PHKB: variants seen among roughly 807,000 people sequenced by gnomAD.
The protein encoded by PHKB is phosphorylase b kinase regulatory subunit beta.
In PHKB, 122 loss-of-function variants were observed where a neutral mutation model predicts 152.1. The ratio of observed to expected loss-of-function variants is 0.80; its 90% CI spans 0.69 to 0.93. The LOEUF is 0.93. PHKB is among the 40% of genes least tolerant of loss of function. The probability of loss-of-function intolerance (pLI) is 0.00; values close to 1 mark genes in which losing one functional copy is unlikely to be tolerated. For synonymous variants in PHKB, 436 were observed against 464.9 expected, an observed-to-expected ratio of 0.94 and a Z score of 0.80; for missense variants, 1,304 against 1,328.4, an observed-to-expected ratio of 0.98 and a Z score of 0.29.
intron 1 of PHKB, among the ~76,000 whole-genome samples, chr16:47,461,770 G>T (rs1274688259): frequency 6.6e-6 from 1 of 152,176 alleles, no homozygotes; most frequent in Non-Finnish European, 1.5e-5. Context: ...CTGTGAATGT[G>T]TCTTTCCTGT....
intron 7 of PHKB, chr16:47,562,559 CT>C (rs1971494188): frequency 6.6e-6 from 1 of 152,188 alleles, no homozygotes; most frequent in Non-Finnish European, 1.5e-5. Flanking sequence ...GGAAAAAGGA[CT>C]TTCCCTTAGT....
chr16:47,611,086 A>G (rs1972419844), intron 14 of PHKB, among the ~76,000 whole-genome samples, 166 bp downstream of exon 14: 1 of 152,196 alleles, frequency 6.6e-6, no homozygotes, highest in African/African-American at 2.4e-5. Context: ...CTATTTGTTA[A>G]TGAGGAAGTA....
At chr16:47,520,879 T>G (rs1439080066) in intron 6 of PHKB, among the ~76,000 whole-genome samples, 1 of 152,158 alleles carries the variant, frequency 6.6e-6, no homozygotes, top group Non-Finnish European at 1.5e-5. Flanking sequence ...TAAGTCTCAT[T>G]TATCTAATTT....
chr16:47,496,890 A>G (rs1040996054), intron 1 of PHKB, among the ~76,000 whole-genome samples: 1 of 152,186 alleles, frequency 6.6e-6, no homozygotes, highest in African/African-American at 2.4e-5. Flanking sequence ...AGGATTAGGA[A>G]TTTCAGCATG....
At chr16:47,627,710 C>A (rs1240645919) in intron 14 of PHKB, among the ~76,000 whole-genome samples, 1 of 152,208 alleles carries the variant, frequency 6.6e-6, no homozygotes. Context: ...TTTAACCATG[C>A]TTGATATTGT....
chr16:47,653,519 T>C (rs1020373690), intron 20 of PHKB, among the ~76,000 whole-genome samples: 1 of 152,202 alleles, frequency 6.6e-6, no homozygotes, highest in Non-Finnish European at 1.5e-5. Context: ...CCTAATGGAT[T>C]TATACCTTAG....
chr16:47,671,946 TA>T (rs1333779809), intron 26 of PHKB, among the ~76,000 whole-genome samples: 5 of 152,134 alleles, frequency 3.3e-5, no homozygotes, highest in African/African-American at 1.2e-4. Context: ...TTCCACTTTT[TA>T]TAAAAGAACA....
chr16:47,685,593 T>C (rs1431733884), intron 26 of PHKB, among the ~76,000 whole-genome samples: 1 of 152,222 alleles, frequency 6.6e-6, no homozygotes, highest in African/African-American at 2.4e-5. Context: ...TACTCCTTGG[T>C]AATTTACTTT....
At chr16:47,655,282 C>T (rs190432690) in intron 20 of PHKB, among the ~76,000 whole-genome samples, 3 of 152,224 alleles carry the variant, frequency 2.0e-5, no homozygotes, top group Admixed American at 6.5e-5. Flanking sequence ...TCACATCGTA[C>T]ACCAAAATAC....
intron 5 of PHKB, among the ~76,000 whole-genome samples, chr16:47,514,702 T>C (rs1180086561): frequency 6.6e-6 from 1 of 152,184 alleles, no homozygotes; most frequent in Non-Finnish European, 1.5e-5. Flanking sequence ...TCCAGTCAAA[T>C]TGACACCTAA....
At chr16:47,491,268 C>G (rs1970145903) in intron 1 of PHKB, among the ~76,000 whole-genome samples, 1 of 152,136 alleles carries the variant, frequency 6.6e-6, no homozygotes, top group Admixed American at 6.5e-5. Flanking sequence ...ATGTCCCTTA[C>G]AGACATATAG....
At chr16:47,632,297 G>T (rs905831816) in intron 14 of PHKB, among the ~76,000 whole-genome samples, 2 of 152,174 alleles carry the variant, frequency 1.3e-5, no homozygotes, top group East Asian at 1.9e-4. Context: ...AGAGATTTCA[G>T]TGTAAAAGGT....
chr16:47,640,755 C>T (rs1177578803), intron 14 of PHKB, among the ~76,000 whole-genome samples: 1 of 152,084 alleles, frequency 6.6e-6, no homozygotes, highest in African/African-American at 2.4e-5. Flanking sequence ...CCAAACTGCT[C>T]TTATGCATCA....
intron 13 of PHKB, among the ~76,000 whole-genome samples, chr16:47,607,551 A>G (rs1385615968): frequency 2.6e-5 from 4 of 152,216 alleles, no homozygotes; most frequent in Non-Finnish European, 5.9e-5. Context: ...TCCATTGTAT[A>G]TATACATTAC....
At chr16:47,689,010 A>G in intron 26 of PHKB, 31 bp from the exon 27 acceptor site, 3 of 1,612,610 alleles carry the variant, frequency 1.9e-6, no homozygotes, top group Non-Finnish European at 2.5e-6. Flanking sequence ...TTCAAGAGTT[A>G]TTGATTCATG....
chr16:47,540,963 G>A (rs772924512), intron 6 of PHKB, among the ~76,000 whole-genome samples: 2 of 151,488 alleles, frequency 1.3e-5, no homozygotes, highest in African/African-American at 4.9e-5. Flanking sequence ...AAGTAGCTGG[G>A]ATTACAGGCA....
chr16:47,542,593 T>A (rs1410708048), intron 6 of PHKB, among the ~76,000 whole-genome samples: 1 of 152,224 alleles, frequency 6.6e-6, no homozygotes, highest in East Asian at 1.9e-4. Flanking sequence ...CCTTGGGCAG[T>A]ATGGCCGTTT....
intron 6 of PHKB, among the ~76,000 whole-genome samples, chr16:47,543,259 T>C (rs1326375061): frequency 6.6e-6 from 1 of 152,176 alleles, no homozygotes; most frequent in Non-Finnish European, 1.5e-5. Flanking sequence ...ATTGAGATAA[T>C]GGTGTGGTTT....
At chr16:47,505,649 G>A (rs191918874) in intron 4 of PHKB, 1 of 152,306 alleles carries the variant, frequency 6.6e-6, no homozygotes, top group Admixed American at 6.5e-5. Flanking sequence ...TATTTTAGCA[G>A]AGATGCACAC....
Sources: allele counts gnomAD v4.1 joint callset (sites outside exome capture counted in the v4.1 genomes callset), GRCh38; gene constraint gnomAD v4.1.1; transcripts MANE v1.5; gene names NCBI Gene and HGNC (gene_info 2026-07-23, HGNC 2026-07-21).